Variants in PRKCA observed in about 807,000 individuals in gnomAD.
PRKCA encodes the protein protein kinase C alpha.
A neutral mutation model predicts 87.0 loss-of-function variants in PRKCA; 27 were observed. The observed-to-expected ratio is 0.31, with a 90% CI of 0.23 to 0.43. The LOEUF is 0.43. Ranked by LOEUF, PRKCA falls within the 20% of genes least tolerant of loss-of-function variation. The pLI is 1.00. For missense variants in PRKCA, 518 were observed against 852.3 expected (o/e 0.61, Z 4.88); for synonymous variants, 329 against 311.1 (o/e 1.06, Z -0.61).
intron 5 of PRKCA, among the ~76,000 whole-genome samples, chr17:66,656,322 C>T (rs1214784888): frequency 6.6e-6 from 1 of 152,190 alleles, no homozygotes; most frequent in East Asian, 1.9e-4. Context: ...GGAGGAAGCA[C>T]TCTTAAAGAT....
At chr17:66,725,164 TG>T (rs1184880126) in intron 8 of PRKCA, among the ~76,000 whole-genome samples, 1 of 152,220 alleles carries the variant, frequency 6.6e-6, no homozygotes, top group Non-Finnish European at 1.5e-5. Flanking sequence ...CACTTCTCTG[TG>T]GCTGTCCCAG....
rs1976115276 is a variant in PRKCA, at chr17:66,809,457, G to A, written c.*5420G>A. On this transcript the variant is annotated 3_prime_UTR_variant, in exon 17 of 17. Transcript: ENST00000413366. ...TTCCAGTAGAGCAACTGAATATACT[G>A]GGCTATTTGTACTTTTTTATAGAGA... 6.6e-6 allele frequency: 1 copy of A among 152,456 alleles called. No individual in the cohort carries two copies. Among genetic ancestry groups the A allele is most frequent in the South Asian group, 2.1e-4 (1 of 4,812 alleles). The allele number at this position is 152,456 out of a possible 1,614,324, so 9.4% of individuals were successfully genotyped here.
chr17:66,574,369 C>T (rs1245822754), intron 3 of PRKCA, among the ~76,000 whole-genome samples: 1 of 152,108 alleles, frequency 6.6e-6, no homozygotes, highest in African/African-American at 2.4e-5. Context: ...AACCTCTAAC[C>T]CTCAGTCAGT....
At chr17:66,544,930 C>T (rs538054345) in intron 3 of PRKCA, among the ~76,000 whole-genome samples, 1 of 152,180 alleles carries the variant, frequency 6.6e-6, no homozygotes, top group Admixed American at 6.5e-5. Context: ...ATTACGATTT[C>T]CTTAGGTGGT....
At chr17:66,621,947 A>G (rs1970694360) in intron 3 of PRKCA, among the ~76,000 whole-genome samples, 1 of 152,192 alleles carries the variant, frequency 6.6e-6, no homozygotes, top group Non-Finnish European at 1.5e-5. Context: ...CCTACCTCTA[A>G]TCCCAGCAAT....
intron 10 of PRKCA, among the ~76,000 whole-genome samples, chr17:66,737,672 C>T (rs867433003): frequency 7.0e-4 from 107 of 152,216 alleles, no homozygotes; most frequent in African/African-American, 2.2e-3. Context: ...CCGGCCACTA[C>T]GTGTCAGCCT....
At chr17:66,380,453 A>G (rs1909717913) in intron 2 of PRKCA, among the ~76,000 whole-genome samples, 1 of 152,198 alleles carries the variant, frequency 6.6e-6, no homozygotes, top group African/African-American at 2.4e-5. Context: ...AAGGGTTGGA[A>G]TAAACCTGCC....
chr17:66,632,867 T>C (rs900498900), intron 3 of PRKCA, among the ~76,000 whole-genome samples: 2 of 152,222 alleles, frequency 1.3e-5, no homozygotes, highest in Non-Finnish European at 2.9e-5. Context: ...TTGCTTCCCA[T>C]TGAATGATTA....
chr17:66,783,020 C>T (rs566314048), intron 14 of PRKCA, among the ~76,000 whole-genome samples: 13 of 152,306 alleles, frequency 8.5e-5, no homozygotes, highest in African/African-American at 2.9e-4. Flanking sequence ...CTCATGCCCA[C>T]GATGCTCCTG....
intron 2 of PRKCA, among the ~76,000 whole-genome samples, chr17:66,404,771 A>ATTTTTT: frequency 1.0e-4 from 1 of 9,532 alleles, no homozygotes; most frequent in African/African-American, 3.4e-4. Context: ...TTTTTTTTTG[A>ATTTTTT]GACAGCGTTT....
intron 3 of PRKCA, among the ~76,000 whole-genome samples, chr17:66,610,128 A>T (rs1028481538): frequency 1.3e-5 from 2 of 152,106 alleles, no homozygotes; most frequent in African/African-American, 4.8e-5. Context: ...CTACAAATTG[A>T]CCCCCTTTTA....
chr17:66,787,938 A>G (rs535167110), intron 15 of PRKCA, among the ~76,000 whole-genome samples: 3 of 152,232 alleles, frequency 2.0e-5, no homozygotes, highest in African/African-American at 7.2e-5. Context: ...TTCCTTATCC[A>G]TTCTACTTCT....
At chr17:66,611,299 A>T (rs1970356823) in intron 3 of PRKCA, among the ~76,000 whole-genome samples, 1 of 152,180 alleles carries the variant, frequency 6.6e-6, no homozygotes, top group African/African-American at 2.4e-5. Context: ...TTTAGGATAT[A>T]TTCATCACCC....
chr17:66,618,605 G>T (rs1399247186), intron 3 of PRKCA, among the ~76,000 whole-genome samples: 1 of 152,146 alleles, frequency 6.6e-6, no homozygotes, highest in African/African-American at 2.4e-5. Flanking sequence ...ACATTGAATA[G>T]CTCTGTGGCT....
At chr17:66,542,895 TTGA>T (rs1441485387) in intron 3 of PRKCA, among the ~76,000 whole-genome samples, 1 of 152,220 alleles carries the variant, frequency 6.6e-6, no homozygotes, top group African/African-American at 2.4e-5. Flanking sequence ...AAGATAGGAT[TTGA>T]TGAGTCAATG....
intron 2 of PRKCA, among the ~76,000 whole-genome samples, chr17:66,430,175 C>T (rs541055345): frequency 8.5e-5 from 13 of 152,236 alleles, no homozygotes; most frequent in African/African-American, 2.6e-4. Flanking sequence ...GGTTCCTCTT[C>T]AGGCTTTGAG....
At chr17:66,492,263 G>A (rs1247822717) in intron 2 of PRKCA, among the ~76,000 whole-genome samples, 1 of 152,134 alleles carries the variant, frequency 6.6e-6, no homozygotes, top group African/African-American at 2.4e-5. Context: ...TTTTGGGATA[G>A]GTAAAGCTTT....
At chr17:66,589,309 A>G (rs1969722168) in intron 3 of PRKCA, among the ~76,000 whole-genome samples, 2 of 152,166 alleles carry the variant, frequency 1.3e-5, no homozygotes, top group Non-Finnish European at 1.5e-5. Context: ...TTTCTAATAC[A>G]TATGAGTATG....
At chr17:66,334,997 A>G (rs371642680) in intron 2 of PRKCA, among the ~76,000 whole-genome samples, 8 of 152,252 alleles carry the variant, frequency 5.3e-5, no homozygotes, top group Admixed American at 1.3e-4. Context: ...AAATGAGCCA[A>G]TAACAAAAGG....
Sources: allele counts gnomAD v4.1 joint callset (sites outside exome capture counted in the v4.1 genomes callset), GRCh38; gene constraint gnomAD v4.1.1; transcripts MANE v1.5; gene names NCBI Gene and HGNC (gene_info 2026-07-23, HGNC 2026-07-21).